Variants in ARHGEF10L observed in about 807,000 individuals in gnomAD.
ARHGEF10L encodes Rho guanine nucleotide exchange factor 10 like, also known as rho guanine nucleotide exchange factor 10-like protein.
ARHGEF10L carries 69 observed loss-of-function variants against 141.2 expected under a neutral mutation model. That is an observed-to-expected ratio of 0.49 (90% CI 0.40 to 0.60). The LOEUF is 0.60. ARHGEF10L is among the 20% of genes least tolerant of loss of function. The pLI, the probability that ARHGEF10L is intolerant of heterozygous loss-of-function variation, is 0.00. For missense variants in ARHGEF10L, 1,482 were observed against 1,734.3 expected (o/e 0.85, Z 2.58); for synonymous variants, 711 against 718.5 (o/e 0.99, Z 0.17).
rs558133574 is a variant in ARHGEF10L, at chr1:17,627,286, G to A, written c.1411-44G>A. 8 of 1,596,670 alleles carry A rather than the reference G, an allele frequency of 5.0e-6. No homozygotes were observed. The Admixed American group carries it at 1.2e-4, about 24-fold the overall frequency. On this transcript the variant is annotated intron_variant, in intron 14 of 28. Transcript: ENST00000361221. This position sits in a 1 kb window ranked among gnomAD's most constrained non-coding sequence, Gnocchi z 4.0. ...AGGCTTTGCCCCAGGCTGGGGTAGA[G>A]TTGGTCATGGGTGGGCTGCTCAGTC...
chr1:17,684,174 T>C (rs1300471999), intron 26 of ARHGEF10L, among the ~76,000 whole-genome samples: 1 of 152,220 alleles, frequency 6.6e-6, no homozygotes, highest in African/African-American at 2.4e-5. Context: ...TGTCCTCATC[T>C]GTGATTTGGG....
intron 4 of ARHGEF10L, among the ~76,000 whole-genome samples, chr1:17,596,112 T>C (rs1479370528): frequency 6.6e-6 from 1 of 152,224 alleles, no homozygotes; most frequent in Non-Finnish European, 1.5e-5. Flanking sequence ...TGCAGGGAGC[T>C]TACCCCTGAC....
At chr1:17,638,088 C>T (rs1205319983) in intron 19 of ARHGEF10L, 85 bp downstream of exon 19, 10 of 1,216,032 alleles carry the variant, frequency 8.2e-6, no homozygotes, top group Non-Finnish European at 1.2e-5. Flanking sequence ...GGGAGGGGCT[C>T]CTCTCCTGGC....
chr1:17,513,771 C>G, the ARHGEF10L span, among the ~76,000 whole-genome samples: 1 of 152,128 alleles, frequency 6.6e-6, no homozygotes, highest in Non-Finnish European at 1.5e-5. Flanking sequence ...ACAACTGTCC[C>G]CAGATGTTAC....
In ARHGEF10L at chr1:17,654,566, G is replaced by A; in HGVS notation, c.2395-70G>A. The A allele has an allele frequency of 2.2e-6, 3 of 1,379,234 alleles. No individual in the cohort carries two copies. In the South Asian group the frequency reaches 3.5e-5, roughly 16 times the overall value. 85.4% of individuals were successfully genotyped at this position (1,379,234 alleles called of 1,614,324 possible). ...CCAGGGAGAGTTGGATGGGGCCCAG[G>A]AATCTGCCAAATATTGGCATCTGGG... is the stretch of plus-strand genomic sequence containing the variant. On this transcript the variant is annotated intron_variant, in intron 22 of 28. Transcript: ENST00000361221. The surrounding 1 kb of genome is among the most constrained non-coding windows in gnomAD (Gnocchi z 4.3).
Position 17,619,574 on chromosome 1 carries a change from G to A in ARHGEF10L, c.942+129G>A. 1.4e-6 allele frequency: 1 copy of A among 727,634 alleles called. No individual in the cohort carries two copies. Among genetic ancestry groups the A allele is most frequent in the Admixed American group, 3.1e-5 (1 of 32,406 alleles). 45.1% of individuals were successfully genotyped at this position (727,634 alleles called of 1,614,324 possible). The stretch of plus-strand genomic sequence containing the variant: ...ATGATGACTGGGGGCTCTTGGCAGA[G>A]CCCAGCTGGATAGGGGCCTCCTAGG... On this transcript the variant is annotated intron_variant, in intron 10 of 28. Transcript: ENST00000361221. This position sits in a 1 kb window ranked among gnomAD's most constrained non-coding sequence, Gnocchi z 5.0.
intron 27 of ARHGEF10L, among the ~76,000 whole-genome samples, chr1:17,688,399 C>T (rs1463980889): frequency 1.3e-5 from 2 of 152,242 alleles, no homozygotes; most frequent in African/African-American, 2.4e-5. Context: ...CCATCTGCTG[C>T]TCAAGATGCA....
chr1:17,603,493 C>T lies in ARHGEF10L; in HGVS notation c.350-15C>T, dbSNP rs1253957055. 1 of 1,610,856 alleles carries T rather than the reference C, an allele frequency of 6.2e-7. No individual in the cohort carries two copies. Among genetic ancestry groups the T allele is most frequent in the African/African-American group, 1.3e-5 (1 of 74,988 alleles). On this transcript the variant is annotated splice_polypyrimidine_tract_variant and intron_variant, in intron 5 of 28. Coordinates refer to ENST00000361221, the MANE Select transcript of ARHGEF10L (RefSeq NM_018125.4). This position sits in a 1 kb window ranked among gnomAD's most constrained non-coding sequence, Gnocchi z 4.8. ...CAGCCCACGGTGGTGCTCTCTCTCC[C>T]CACTTCCCTCCCAGTTGACCGGTTC...
Position 17,637,952 on chromosome 1 carries a change from C to A in ARHGEF10L, c.1992C>A (p.Ala664=), listed in dbSNP as rs141537217. Residue 664 remains alanine, a synonymous_variant, in exon 19 of 29, where the codon GCC becomes GCA. Transcript: ENST00000361221. ...TGCAGGACCTGCAGAAGGACCTGGC[C>A]GTGGTGGAGCAGATCACGCTTCTCA... ...QELQDLQKDL[A]VVEQITLLIS... The A allele has an allele frequency of 1.2e-6, 2 of 1,601,138 alleles. No individual in the cohort carries two copies. The highest frequency in any genetic ancestry group is 3.4e-5 in the Admixed American group (2 of 58,524).
intron 5 of ARHGEF10L, 97 bp downstream of exon 5, chr1:17,602,315 G>A: frequency 6.5e-6 from 9 of 1,395,312 alleles, no homozygotes; most frequent in Non-Finnish European, 8.8e-6. Context: ...GCTCCTGTGA[G>A]CCCAGGGTTC....
Position 17,621,304 on chromosome 1 carries a change from C to T in ARHGEF10L, c.943-560C>T, listed in dbSNP as rs1170369422. Among the ~76,000 whole-genome samples the T allele has an allele frequency of 6.6e-6, 1 of 152,146 alleles. No homozygotes were observed. Among genetic ancestry groups the T allele is most frequent in the Non-Finnish European group, 1.5e-5 (1 of 68,024 alleles). ...CTGGAGTGCAGTGGCGCGATCTTGGCCCACTGCAACCTCTGCCTCCCAGGT... is the reference window on the plus strand; with the variant it reads ...CTGGAGTGCAGTGGCGCGATCTTGGTCCACTGCAACCTCTGCCTCCCAGGT... On this transcript the variant is annotated intron_variant, in intron 10 of 28. Transcript: ENST00000361221. The surrounding 1 kb of genome is among the most constrained non-coding windows in gnomAD (Gnocchi z 4.1).
Position 17,655,887 on chromosome 1 carries a change from C to A in ARHGEF10L, c.2490C>A (p.Gly830=), listed in dbSNP as rs761687942. 7 of 1,553,736 alleles carry A rather than the reference C, an allele frequency of 4.5e-6. No individual in the cohort carries two copies. Among genetic ancestry groups the A allele is most frequent in the African/African-American group, 1.4e-5 (1 of 73,494 alleles). ...SLPQGYLWVG[G]GQEGAGGQVE... ...TGGGTCTCTGCTCCCAGGTCGGGGG[C>A]GGACAGGAAGGCGCAGGGGGCCAGG... is the stretch of plus-strand genomic sequence containing the variant. Residue 830 remains glycine (G), a synonymous_variant, in exon 24 of 29, where the codon GGC becomes GGA. Coordinates refer to ENST00000361221, the MANE Select transcript of ARHGEF10L (RefSeq NM_018125.4).
intron 15 of ARHGEF10L, among the ~76,000 whole-genome samples, chr1:17,629,938 C>G (rs77956408): frequency 6.6e-6 from 1 of 152,190 alleles, no homozygotes; most frequent in Non-Finnish European, 1.5e-5. Context: ...TGGGAAGAGC[C>G]GTTCTGCCCT....
rs572319300 is a variant in ARHGEF10L, at chr1:17,573,314, G to A, written c.-43-7239G>A. 1.3e-5 allele frequency among the ~76,000 whole-genome samples: 2 copies of A among 152,324 alleles called. No homozygotes were observed. Among genetic ancestry groups the A allele is most frequent in the South Asian group, 4.1e-4 (2 of 4,828 alleles). Reference sequence around the variant, plus strand: ...GGGCATCCCTGTTGTAGGTGGGGAAGCTGAGGCTCTGATGGGCGAGTTGAT... The same window carrying A: ...GGGCATCCCTGTTGTAGGTGGGGAAACTGAGGCTCTGATGGGCGAGTTGAT... On this transcript the variant is annotated intron_variant, in intron 1 of 28. Coordinates refer to ENST00000361221, the MANE Select transcript of ARHGEF10L (RefSeq NM_018125.4). This position sits in a 1 kb window ranked among gnomAD's most constrained non-coding sequence, Gnocchi z 4.8.
At chr1:17,568,599 G>C (rs1461934542) in intron 1 of ARHGEF10L, among the ~76,000 whole-genome samples, 1 of 152,170 alleles carries the variant, frequency 6.6e-6, no homozygotes, top group Non-Finnish European at 1.5e-5. Flanking sequence ...CAGGATGTCG[G>C]GGGGTGCTTG....
chr1:17,544,799 T>C (rs1451723272), intron 1 of ARHGEF10L, among the ~76,000 whole-genome samples: 1 of 152,182 alleles, frequency 6.6e-6, no homozygotes, highest in Non-Finnish European at 1.5e-5. Context: ...AGAGATTTAA[T>C]GGACTCACAG....
chr1:17,589,811 C>A (rs1362151798), intron 4 of ARHGEF10L, among the ~76,000 whole-genome samples: 2 of 152,118 alleles, frequency 1.3e-5, no homozygotes, highest in Non-Finnish European at 2.9e-5. Context: ...GAAACTCAGT[C>A]TGGTGGGAGA....
chr1:17,636,720 C>T lies in ARHGEF10L; in HGVS notation c.1928-1168C>T, dbSNP rs574806541. Among the ~76,000 whole-genome samples the T allele has an allele frequency of 2.3e-3, 350 of 152,222 alleles. 2 individuals carry two copies. Among genetic ancestry groups the T allele is most frequent in the Non-Finnish European group, 3.7e-3 (251 of 68,012 alleles). ...ATTCAGGTGCCATAGTCCATGGAAG[C>T]CTTGATATCAGGCAGCAGAGTGTGG... On this transcript the variant is annotated intron_variant, in intron 18 of 28. Coordinates refer to ENST00000361221, the MANE Select transcript of ARHGEF10L (RefSeq NM_018125.4).
chr1:17,598,436 G>A (rs2080321919), intron 4 of ARHGEF10L, among the ~76,000 whole-genome samples: 1 of 152,216 alleles, frequency 6.6e-6, no homozygotes, highest in Non-Finnish European at 1.5e-5. Flanking sequence ...ACAAGGCTGG[G>A]AGGTCCAAGA....
Sources: allele counts gnomAD v4.1 joint callset (sites outside exome capture counted in the v4.1 genomes callset), GRCh38; gene constraint gnomAD v4.1.1; non-coding constraint Gnocchi (gnomAD v3.1); transcripts MANE v1.5; gene names NCBI Gene and HGNC (gene_info 2026-07-23, HGNC 2026-07-21).